Variants in MAGI2 observed in about 807,000 individuals in gnomAD.
The protein encoded by MAGI2 is membrane-associated guanylate kinase, WW and PDZ domain-containing protein 2.
Under a neutral mutation model 133.3 loss-of-function variants are expected in MAGI2, and 35 were observed. That is an observed-to-expected ratio of 0.26 (90% CI 0.20 to 0.35). The LOEUF is 0.35. Ranked by LOEUF, MAGI2 falls within the 10% of genes least tolerant of loss-of-function variation. The pLI, the probability that MAGI2 is intolerant of heterozygous loss-of-function variation, is 1.00. For missense variants in MAGI2, 1,636 were observed against 1,863.4 expected, an observed-to-expected ratio of 0.88 and a Z score of 2.25; for synonymous variants, 729 against 710.6, an observed-to-expected ratio of 1.03 and a Z score of -0.41.
intron 9 of MAGI2, among the ~76,000 whole-genome samples, chr7:78,316,279 TG>T (rs1230555690): frequency 6.6e-6 from 1 of 152,234 alleles, no homozygotes; most frequent in Non-Finnish European, 1.5e-5. Flanking sequence ...GTAATAAAAC[TG>T]GGTGTATATA....
intron 16 of MAGI2, among the ~76,000 whole-genome samples, chr7:78,151,076 ATATT>A: frequency 6.8e-6 from 1 of 146,782 alleles, no homozygotes; most frequent in East Asian, 2.0e-4. Context: ...ATTTATATTT[ATATT>A]TATATTTATA....
chr7:79,310,897 T>C (rs1838227518), intron 1 of MAGI2, among the ~76,000 whole-genome samples: 1 of 151,910 alleles, frequency 6.6e-6, no homozygotes, highest in African/African-American at 2.4e-5. Flanking sequence ...CTGATCATTA[T>C]CACATTAAGA....
intron 3 of MAGI2, among the ~76,000 whole-genome samples, chr7:78,593,548 G>C (rs1448428432): frequency 6.6e-6 from 1 of 152,174 alleles, no homozygotes; most frequent in Non-Finnish European, 1.5e-5. Context: ...TGGGCTTCTT[G>C]TTTTAGAAGT....
intron 1 of MAGI2, among the ~76,000 whole-genome samples, chr7:79,299,751 C>A (rs2129559574): frequency 6.6e-6 from 1 of 152,086 alleles, no homozygotes; most frequent in East Asian, 1.9e-4. Context: ...GAATTGTAAT[C>A]CCCAATGCTA....
intron 1 of MAGI2, chr7:79,125,535 T>A: frequency 1.9e-6 from 1 of 513,246 alleles, no homozygotes. Flanking sequence ...ACCAGGGCAG[T>A]GGCTATGGTG....
At chr7:78,920,567 T>A (rs963588571) in intron 2 of MAGI2, among the ~76,000 whole-genome samples, 1 of 152,150 alleles carries the variant, frequency 6.6e-6, no homozygotes, top group African/African-American at 2.4e-5. Context: ...ATGAATTAAC[T>A]GAAATTTTAG....
intron 21 of MAGI2, among the ~76,000 whole-genome samples, chr7:78,037,433 G>A (rs1328078342): frequency 4.6e-5 from 7 of 152,154 alleles, no homozygotes; most frequent in African/African-American, 1.4e-4. Context: ...AGCCCTCATC[G>A]GTGTTGATAA....
At chr7:79,025,048 A>G (rs1395887708) in intron 1 of MAGI2, among the ~76,000 whole-genome samples, 2 of 152,170 alleles carry the variant, frequency 1.3e-5, no homozygotes, top group Non-Finnish European at 2.9e-5. Flanking sequence ...AAAGAGACAC[A>G]TATGCATATG....
intron 21 of MAGI2, among the ~76,000 whole-genome samples, chr7:78,070,700 G>C (rs1814592218): frequency 1.3e-5 from 2 of 150,106 alleles, no homozygotes; most frequent in Admixed American, 1.3e-4. Flanking sequence ...GGAGTGCAAT[G>C]GCATGATCTT....
chr7:79,228,139 T>A lies in MAGI2; in HGVS notation c.302-220933A>T, dbSNP rs148314309. On this transcript the variant is annotated intron_variant, in intron 1 of 21. Transcript: ENST00000354212. Reference sequence around the variant, plus strand: ...GTGGGAGATCACTTGAGGCCAGGAGTTCAAGACTAGCCTGGAAAACACAAT... The same window carrying A: ...GTGGGAGATCACTTGAGGCCAGGAGATCAAGACTAGCCTGGAAAACACAAT... Among the ~76,000 whole-genome samples the A allele has an allele frequency of 2.1e-3, 310 of 150,402 alleles. 1 individual carries two copies. Among genetic ancestry groups the A allele is most frequent in the African/African-American group, 7.2e-3 (293 of 40,954 alleles).
At chr7:78,301,936 T>C (rs1217008986) in intron 9 of MAGI2, among the ~76,000 whole-genome samples, 2 of 152,136 alleles carry the variant, frequency 1.3e-5, no homozygotes, top group East Asian at 1.9e-4. Flanking sequence ...ATGGGGGTGA[T>C]AACAGCATGC....
At chr7:78,715,607 C>G (rs1819622321) in intron 2 of MAGI2, among the ~76,000 whole-genome samples, 1 of 151,992 alleles carries the variant, frequency 6.6e-6, no homozygotes, top group Non-Finnish European at 1.5e-5. Context: ...AGCCTAATGA[C>G]ACAAATATAG....
At chr7:78,908,725 G>A (rs1175785820) in intron 2 of MAGI2, among the ~76,000 whole-genome samples, 3 of 152,148 alleles carry the variant, frequency 2.0e-5, no homozygotes, top group African/African-American at 7.2e-5. Flanking sequence ...GAACTTTAGA[G>A]CAACTAACTG....
chr7:78,968,815 G>A (rs927768303), intron 2 of MAGI2, among the ~76,000 whole-genome samples: 2 of 151,942 alleles, frequency 1.3e-5, no homozygotes, highest in African/African-American at 4.8e-5. Context: ...GAGAGTTAAG[G>A]GGAGAAAAAA....
intron 2 of MAGI2, among the ~76,000 whole-genome samples, chr7:78,923,660 T>C (rs979839936): frequency 4.6e-5 from 7 of 152,190 alleles, no homozygotes; most frequent in African/African-American, 1.2e-4. Flanking sequence ...TGGCTTAGCA[T>C]TGACTTGGTG....
At chr7:79,008,540 A>C (rs555951896) in intron 1 of MAGI2, among the ~76,000 whole-genome samples, 3 of 152,208 alleles carry the variant, frequency 2.0e-5, no homozygotes, top group African/African-American at 2.4e-5. Context: ...ATATTTGAGC[A>C]AATGGTCTCT....
intron 2 of MAGI2, among the ~76,000 whole-genome samples, chr7:78,783,591 A>T (rs1448550880): frequency 6.6e-6 from 1 of 152,198 alleles, no homozygotes; most frequent in Non-Finnish European, 1.5e-5. Context: ...AGGAACCTGG[A>T]GCTTTGCCCC....
intron 1 of MAGI2, among the ~76,000 whole-genome samples, chr7:79,329,437 G>C (rs1839913068): frequency 6.6e-6 from 1 of 152,164 alleles, no homozygotes; most frequent in Non-Finnish European, 1.5e-5. Flanking sequence ...TTAAATAAAA[G>C]GAAGTATATG....
chr7:78,176,286 C>T (rs1296367726), intron 14 of MAGI2, among the ~76,000 whole-genome samples: 1 of 152,170 alleles, frequency 6.6e-6, no homozygotes, highest in Non-Finnish European at 1.5e-5. Flanking sequence ...CTGGCCAATC[C>T]TCCTTGGCAA....
Sources: allele counts gnomAD v4.1 joint callset (sites outside exome capture counted in the v4.1 genomes callset), GRCh38; gene constraint gnomAD v4.1.1; transcripts MANE v1.5; gene names NCBI Gene and HGNC (gene_info 2026-07-23, HGNC 2026-07-21).